The following CNTLN variants were observed in gnomAD, a reference collection of about 807,000 sequenced individuals.
CNTLN encodes the protein centlein, centrosomal protein.
Under a neutral mutation model 180.0 loss-of-function variants are expected in CNTLN, and 212 were observed. The observed-to-expected ratio is 1.18, with a 90% CI of 1.05 to 1.32. CNTLN has a LOEUF of 1.32. Among genes scored for constraint, CNTLN ranks in the 40% most tolerant of loss-of-function variants. The pLI is 0.00. For synonymous variants in CNTLN, 722 were observed against 563.1 expected (o/e 1.28, Z -3.99); for missense variants, 2,095 against 1,610.9 (o/e 1.30, Z -5.14).
At chr9:17,264,957 T>A (rs1258277524) in intron 5 of CNTLN, among the ~76,000 whole-genome samples, 1 of 145,440 alleles carries the variant, frequency 6.9e-6, no homozygotes, top group Non-Finnish European at 1.5e-5. Flanking sequence ...CAATGGGGTT[T>A]TCTAGATATA....
chr9:17,400,065 C>T (rs964237227), intron 15 of CNTLN, among the ~76,000 whole-genome samples: 3 of 152,044 alleles, frequency 2.0e-5, no homozygotes, highest in Non-Finnish European at 2.9e-5. Context: ...TGCATTTTTA[C>T]GGTGTCTCAG....
chr9:17,217,033 G>C (rs991288616), intron 2 of CNTLN, among the ~76,000 whole-genome samples: 3 of 152,286 alleles, frequency 2.0e-5, no homozygotes, highest in African/African-American at 7.2e-5. Context: ...GTGTTTAATT[G>C]GAACCACTCT....
chr9:17,484,218 T>G, intron 23 of CNTLN, 77 bp from the exon 24 acceptor site: 1 of 1,141,728 alleles, frequency 8.8e-7, no homozygotes, highest in South Asian at 1.6e-5. Flanking sequence ...GTTAGTATCT[T>G]CATATTTTTA....
chr9:17,269,770 C>G (rs899976202), intron 5 of CNTLN, among the ~76,000 whole-genome samples: 1 of 151,922 alleles, frequency 6.6e-6, no homozygotes, highest in Non-Finnish European at 1.5e-5. Context: ...CTTTTAGTTC[C>G]ATTTGTTCTG....
chr9:17,371,140 G>A (rs1310762902), intron 13 of CNTLN, among the ~76,000 whole-genome samples: 1 of 152,050 alleles, frequency 6.6e-6, no homozygotes, highest in Non-Finnish European at 1.5e-5. Flanking sequence ...TAATCACATT[G>A]AATGTGAATG....
In CNTLN at chr9:17,503,676, C is replaced by A. The variant is rs886469227; in HGVS notation, c.*1024C>A. ...ATCTATCTGTTCATGTATTTGTTTT[C>A]TTGTTTATTTTCTTCTTTTCCCTCT... On this transcript the variant is annotated 3_prime_UTR_variant, in exon 26 of 26. Coordinates refer to ENST00000380647, the MANE Select transcript of CNTLN (RefSeq NM_017738.4). The A allele has an allele frequency of 6.6e-6, 1 of 152,558 alleles. No individual in the cohort carries two copies. Among genetic ancestry groups the A allele is most frequent in the African/African-American group, 2.4e-5 (1 of 41,426 alleles). 9.5% of individuals were successfully genotyped at this position (152,558 alleles called of 1,614,324 possible).
chr9:17,349,289 C>T (rs1361111414), intron 12 of CNTLN, among the ~76,000 whole-genome samples: 2 of 152,076 alleles, frequency 1.3e-5, no homozygotes, highest in Admixed American at 1.3e-4. Flanking sequence ...TTCTATGGGC[C>T]AGGCAGTCTT....
In CNTLN at chr9:17,288,646, T is replaced by C. The variant is rs569327631; in HGVS notation, c.984-9544T>C. ...CATTATTAATGTGTGGGAGTCTAAG[T>C]CTCTTTGTAGGTCACTCAGGACTTG... On this transcript the variant is annotated intron_variant, in intron 6 of 25. Transcript: ENST00000380647. 1.9e-3 allele frequency among the ~76,000 whole-genome samples: 252 copies of C among 135,242 alleles called. 10 individuals are homozygous for C. Among genetic ancestry groups the C allele is most frequent in the South Asian group, 0.012 (43 of 3,580 alleles). The allele number at this position is 135,242 out of a possible 152,430, so 88.7% of individuals were successfully genotyped here.
intron 1 of CNTLN, 38 bp downstream of exon 1, chr9:17,135,463 A>G: frequency 1.9e-6 from 3 of 1,562,058 alleles, no homozygotes; most frequent in Non-Finnish European, 2.6e-6. Context: ...TCCCCACCAC[A>G]GCGGGGCCGG....
At chr9:17,275,053 A>AT (rs1177846529) in intron 6 of CNTLN, among the ~76,000 whole-genome samples, 1 of 152,142 alleles carries the variant, frequency 6.6e-6, no homozygotes, top group Non-Finnish European at 1.5e-5. Context: ...TGTTATAATT[A>AT]TTTTTAAAAC....
Position 17,388,215 on chromosome 9 carries a change from A to G in CNTLN, c.2041A>G (p.Lys681Glu). The G allele has an allele frequency of 6.2e-7, 1 of 1,612,396 alleles. No homozygotes were observed. Among genetic ancestry groups the G allele is most frequent in the Non-Finnish European group, 8.5e-7 (1 of 1,178,788 alleles). Residue 681 changes from lysine (K) to glutamate (E), a missense_variant, in exon 14 of 26, where the codon AAG (lysine) becomes GAG (glutamate). Physicochemically the swap from Lys to Glu is moderately conservative, Grantham distance 56. Transcript: ENST00000380647. ...TGAGGTCAAGAGGAGTACTCCAGAG[A>G]AGAATGGAAAAGAAATGTTGGAGCA... ...DDEVKRSTPE[K>E]NGKEMLEQTL... is the part of the protein sequence containing the mutation.
intron 15 of CNTLN, among the ~76,000 whole-genome samples, chr9:17,404,555 C>G (rs1827230107): frequency 6.6e-6 from 1 of 151,550 alleles, no homozygotes; most frequent in African/African-American, 2.4e-5. Flanking sequence ...AGCAATTATC[C>G]CAATTATTGA....
chr9:17,268,794 C>T (rs1001361835), intron 5 of CNTLN, among the ~76,000 whole-genome samples: 11 of 151,818 alleles, frequency 7.2e-5, no homozygotes, highest in African/African-American at 2.7e-4. Flanking sequence ...TCTCAGACTG[C>T]TGTGCTAGCA....
rs539704002 is a variant in CNTLN at position 17,269,968 on chromosome 9, T to C, written c.850-3765T>C. The stretch of plus-strand genomic sequence containing the variant: ...TGTTGGTATTGTAAATGTTTAGTTT[T>C]ATAGAAAATCATCTGAGTTTTGCAC... On this transcript the variant is annotated intron_variant, in intron 5 of 25. Coordinates refer to ENST00000380647, the MANE Select transcript of CNTLN (RefSeq NM_017738.4). Among the ~76,000 whole-genome samples the C allele has an allele frequency of 2.9e-4, 44 of 152,296 alleles. 1 individual carries two copies. Among genetic ancestry groups the C allele is most frequent in the African/African-American group, 1.0e-3 (43 of 41,574 alleles).
intron 16 of CNTLN, among the ~76,000 whole-genome samples, chr9:17,414,333 G>C (rs1039492629): frequency 4.6e-5 from 7 of 152,096 alleles, no homozygotes; most frequent in African/African-American, 1.7e-4. Context: ...GAGTTTTCTT[G>C]AGTTTGTATT....
chr9:17,337,796 C>T (rs1821152646), intron 10 of CNTLN, among the ~76,000 whole-genome samples: 1 of 152,100 alleles, frequency 6.6e-6, no homozygotes, highest in Non-Finnish European at 1.5e-5. Context: ...AACAGAGAAT[C>T]ATTGTGAAAG....
chr9:17,298,641 G>A, intron 7 of CNTLN: 1 of 1,040,240 alleles, frequency 9.6e-7, no homozygotes, highest in Non-Finnish European at 1.2e-6. Flanking sequence ...CATACTAGGA[G>A]TATAGTCTCA....
chr9:17,337,160 G>C lies in CNTLN; in HGVS notation c.1645-3667G>C, dbSNP rs529094128. 3.0e-4 allele frequency among the ~76,000 whole-genome samples: 46 copies of C among 152,034 alleles called. No individual in the cohort carries two copies. In the South Asian group the frequency reaches 8.5e-3, roughly 28 times the overall value. On this transcript the variant is annotated intron_variant, in intron 10 of 25. Coordinates refer to ENST00000380647, the MANE Select transcript of CNTLN (RefSeq NM_017738.4). ...CGCCCACTTTTTGATGGGGTTGTTT[G>C]TTTTTTTCTTGTAAATTTGTTTAAG...
At chr9:17,394,461 A>T in intron 14 of CNTLN, 73 bp from the exon 15 acceptor site, 1 of 1,061,660 alleles carries the variant, frequency 9.4e-7, no homozygotes, top group Non-Finnish European at 1.3e-6. Context: ...TTTATTTCAT[A>T]AGTTAGAAAT....
Sources: allele counts gnomAD v4.1 joint callset (sites outside exome capture counted in the v4.1 genomes callset), GRCh38; gene constraint gnomAD v4.1.1; transcripts MANE v1.5; gene names NCBI Gene and HGNC (gene_info 2026-07-23, HGNC 2026-07-21).